The following EYS variants were observed in gnomAD, a reference collection of about 807,000 sequenced individuals.
EYS encodes the protein EGF-like photoreceptor maintenance factor.
A neutral mutation model predicts 282.1 loss-of-function variants in EYS; 250 were observed. The observed-to-expected ratio is 0.89, with a 90% CI of 0.80 to 0.98. EYS has a LOEUF of 0.98. EYS is among the 50% of genes least tolerant of loss of function. The pLI, the probability that EYS is intolerant of heterozygous loss-of-function variation, is 0.00. For synonymous variants in EYS, 1,355 were observed against 1,282.9 expected (o/e 1.06, Z -1.20); for missense variants, 4,016 against 3,709.0 (o/e 1.08, Z -2.15).
intron 35 of EYS, among the ~76,000 whole-genome samples, chr6:63,876,007 C>G (rs1772959326): frequency 6.6e-6 from 1 of 152,158 alleles, no homozygotes; most frequent in Admixed American, 6.5e-5. Context: ...TTCTTGCCTT[C>G]TGCTAGCTTT....
At chr6:64,136,386 C>A (rs552947053) in intron 31 of EYS, among the ~76,000 whole-genome samples, 1 of 152,048 alleles carries the variant, frequency 6.6e-6, no homozygotes, top group South Asian at 2.1e-4. Flanking sequence ...ATATTTTGAC[C>A]CCTTCCCATG....
intron 29 of EYS, among the ~76,000 whole-genome samples, chr6:64,319,047 C>A (rs1377492710): frequency 1.3e-5 from 2 of 151,584 alleles, no homozygotes; most frequent in African/African-American, 2.4e-5. Flanking sequence ...ATTAACCTTT[C>A]TTTTTACTTT....
chr6:65,271,641 G>C (rs1767908247), intron 12 of EYS, among the ~76,000 whole-genome samples: 1 of 151,864 alleles, frequency 6.6e-6, no homozygotes, highest in Non-Finnish European at 1.5e-5. Context: ...GTAGTACAGT[G>C]GTATGATCTC....
intron 12 of EYS, among the ~76,000 whole-genome samples, chr6:65,288,668 G>A (rs1768437881): frequency 6.6e-6 from 1 of 151,078 alleles, no homozygotes; most frequent in South Asian, 2.1e-4. Flanking sequence ...TTTCACAAAT[G>A]TAGGAGATAA....
intron 15 of EYS, among the ~76,000 whole-genome samples, chr6:64,917,109 C>A (rs1344059941): frequency 2.0e-5 from 3 of 152,060 alleles, no homozygotes; most frequent in South Asian, 4.1e-4. Flanking sequence ...ATTACCCAGG[C>A]GTGGCAGCAC....
At chr6:65,181,546 AG>A (rs1338374431) in intron 12 of EYS, among the ~76,000 whole-genome samples, 1 of 152,160 alleles carries the variant, frequency 6.6e-6, no homozygotes, top group African/African-American at 2.4e-5. Context: ...ATCATTAAAA[AG>A]TCAGGAAACA....
At chr6:63,933,379 G>T (rs554839760) in intron 35 of EYS, among the ~76,000 whole-genome samples, 1 of 152,168 alleles carries the variant, frequency 6.6e-6, no homozygotes, top group African/African-American at 2.4e-5. Context: ...GCTAATTTTT[G>T]TACTTTTAGT....
chr6:64,362,220 A>G (rs2150409207), intron 29 of EYS, among the ~76,000 whole-genome samples: 1 of 151,954 alleles, frequency 6.6e-6, no homozygotes, highest in East Asian at 1.9e-4. Flanking sequence ...AGACATAGAA[A>G]AATAATTTGC....
chr6:64,591,054 T>C lies in EYS; in HGVS notation c.4813A>G (p.Ile1605Val), dbSNP rs775701324. ...SWYALMGAQT[I>V]TSGHSFSSAT... The stretch of plus-strand genomic sequence containing the variant: ...GAAGAAAATGAATGCCCAGAAGTGA[T>C]AGTTTGAGCTCCCATTAGTGCATAC... Residue 1605 changes from isoleucine (I) to valine (V), a missense_variant, in exon 26 of 43, where the codon ATC becomes GTC. By Grantham distance (29) the Ile-to-Val change is conservative. Coordinates refer to ENST00000503581, the MANE Select transcript of EYS (RefSeq NM_001142800.2). 5 of 1,551,222 alleles carry C rather than the reference T, an allele frequency of 3.2e-6. No individual in the cohort carries two copies. The African/African-American group carries it at 5.5e-5, about 17-fold the overall frequency.
At chr6:64,410,053 T>C (rs946619821) in intron 28 of EYS, among the ~76,000 whole-genome samples, 20 of 152,076 alleles carry the variant, frequency 1.3e-4, no homozygotes, top group African/African-American at 4.8e-4. Flanking sequence ...GCATTTATAA[T>C]TGTAAAAATT....
At chr6:64,040,574 T>G (rs2149836900) in intron 33 of EYS, among the ~76,000 whole-genome samples, 1 of 152,346 alleles carries the variant, frequency 6.6e-6, no homozygotes, top group African/African-American at 2.4e-5. Flanking sequence ...TTTGGAAATT[T>G]TAATATGGCG....
At chr6:64,308,725 A>G (rs1424273932) in intron 29 of EYS, among the ~76,000 whole-genome samples, 1 of 152,040 alleles carries the variant, frequency 6.6e-6, no homozygotes, top group East Asian at 1.9e-4. Flanking sequence ...ATAGTTTAGA[A>G]CCTTTGAAAG....
At chr6:64,020,142 G>T (rs1027386008) in intron 33 of EYS, among the ~76,000 whole-genome samples, 4 of 152,022 alleles carry the variant, frequency 2.6e-5, no homozygotes, top group African/African-American at 9.7e-5. Flanking sequence ...ATGAATTCTT[G>T]TTTGATAGCA....
chr6:64,773,329 G>A (rs1339041384), intron 22 of EYS, among the ~76,000 whole-genome samples: 1 of 151,832 alleles, frequency 6.6e-6, no homozygotes, highest in South Asian at 2.1e-4. Flanking sequence ...TTTTATGGCT[G>A]CATAATATTC....
intron 33 of EYS, among the ~76,000 whole-genome samples, chr6:64,023,820 G>A (rs137915180): frequency 0.01 from 1,534 of 152,332 alleles, 26 homozygotes; most frequent in African/African-American, 0.033. Context: ...CGGTGTTTGC[G>A]GGCCAGCGCG....
At chr6:64,516,125 A>G (rs1480656956) in intron 26 of EYS, among the ~76,000 whole-genome samples, 2 of 151,802 alleles carry the variant, frequency 1.3e-5, no homozygotes, top group African/African-American at 4.8e-5. Flanking sequence ...CAACTCATGG[A>G]CACATAGAGG....
chr6:64,044,634 A>G (rs894814904), intron 33 of EYS, among the ~76,000 whole-genome samples: 3 of 152,158 alleles, frequency 2.0e-5, no homozygotes, highest in Non-Finnish European at 4.4e-5. Flanking sequence ...CATTCCCCAC[A>G]CATGTCTTAG....
chr6:64,763,470 G>T (rs1474101998), intron 22 of EYS, among the ~76,000 whole-genome samples: 1 of 152,060 alleles, frequency 6.6e-6, no homozygotes, highest in East Asian at 1.9e-4. Flanking sequence ...CATAAAAACA[G>T]CATGAGGCAA....
At chr6:63,900,071 C>T (rs985259914) in intron 35 of EYS, among the ~76,000 whole-genome samples, 4 of 152,092 alleles carry the variant, frequency 2.6e-5, no homozygotes, top group Admixed American at 6.5e-5. Flanking sequence ...CGTAGAGCTA[C>T]GGTTTGCTTT....
Sources: allele counts gnomAD v4.1 joint callset (sites outside exome capture counted in the v4.1 genomes callset), GRCh38; gene constraint gnomAD v4.1.1; transcripts MANE v1.5; gene names NCBI Gene and HGNC (gene_info 2026-07-23, HGNC 2026-07-21).